The following TMEM260 variants were observed in gnomAD, a reference collection of about 807,000 sequenced individuals.
The protein encoded by TMEM260 is transmembrane protein 260.
Under a neutral mutation model 88.9 loss-of-function variants are expected in TMEM260, and 82 were observed. The observed-to-expected ratio is 0.92, with a 90% confidence interval of 0.77 to 1.11. TMEM260 has a LOEUF of 1.11. TMEM260 is among the 50% of genes least tolerant of loss of function. The pLI, the probability that TMEM260 is intolerant of heterozygous loss-of-function variation, is 0.00. For missense variants in TMEM260, 902 were observed against 853.4 expected (o/e 1.06, Z -0.71); for synonymous variants, 314 against 309.3 (o/e 1.02, Z -0.16).
chr14:56,657,825 A>T, the TMEM260 span, among the ~76,000 whole-genome samples: 4 of 152,164 alleles, frequency 2.6e-5, no homozygotes, highest in African/African-American at 4.8e-5. Flanking sequence ...CGGTCATTAG[A>T]CCACACTTTT....
At chr14:56,660,190 G>A in the TMEM260 span, among the ~76,000 whole-genome samples, 1 of 152,218 alleles carries the variant, frequency 6.6e-6, no homozygotes, top group East Asian at 1.9e-4. Flanking sequence ...CTTAGCAACT[G>A]ATAAGGCTTG....
intron 12 of TMEM260, 106 bp from the exon 13 acceptor site, chr14:56,632,886 GTAA>G: frequency 9.7e-7 from 1 of 1,028,010 alleles, no homozygotes; most frequent in Non-Finnish European, 1.4e-6. Context: ...AATCATATAG[GTAA>G]TAACTGTTGG....
At chr14:56,582,140 A>G (rs1450570016) in intron 1 of TMEM260, among the ~76,000 whole-genome samples, 1 of 152,242 alleles carries the variant, frequency 6.6e-6, no homozygotes, top group Admixed American at 6.5e-5. Context: ...TTGTGTTTAC[A>G]TGTTGAATGC....
downstream of TMEM260, chr14:56,650,060 T>G (rs752012465): frequency 7.7e-5 from 35 of 452,726 alleles, no homozygotes; most frequent in Middle Eastern, 3.3e-4. Flanking sequence ...TTCTCTTACT[T>G]TCCTTGGCTA....
intron 3 of TMEM260, among the ~76,000 whole-genome samples, chr14:56,596,903 GT>G (rs1166495489): frequency 1.3e-5 from 2 of 150,762 alleles, no homozygotes; most frequent in Admixed American, 1.3e-4. Flanking sequence ...AAGATTTTAA[GT>G]TCTTAAAATC....
intron 3 of TMEM260, among the ~76,000 whole-genome samples, chr14:56,595,661 A>AT (rs527509710): frequency 5.5e-4 from 83 of 151,840 alleles, no homozygotes; most frequent in Non-Finnish European, 1.0e-3. Flanking sequence ...ATTTATTTTT[A>AT]TTTTTTAGTA....
chr14:56,632,447 C>T (rs1006373551), intron 12 of TMEM260, among the ~76,000 whole-genome samples: 7 of 152,214 alleles, frequency 4.6e-5, no homozygotes, highest in South Asian at 2.1e-4. Flanking sequence ...GCTAATGCCA[C>T]GATGTTGCCT....
Position 56,580,054 on chromosome 14 carries a change from C to T in TMEM260, c.140C>T (p.Ser47Leu), listed in dbSNP as rs993006931. ...AAVFTFTLPP[S>L]VPGGDSGELI... ...GTGTTCACCTTCACCCTGCCCCCTTCGGTACCGGGGGGAGACTCCGGTAAA... is the reference window on the plus strand; with the variant it reads ...GTGTTCACCTTCACCCTGCCCCCTTTGGTACCGGGGGGAGACTCCGGTAAA... Residue 47 changes from serine to leucine, a missense_variant, in exon 1 of 16, where the codon TCG (serine) becomes TTG (leucine). Coordinates refer to ENST00000261556, the MANE Select transcript of TMEM260 (RefSeq NM_017799.4). 2.6e-5 allele frequency: 33 copies of T among 1,252,376 alleles called. No individual in the cohort carries two copies. The highest frequency in any genetic ancestry group is 8.2e-5 in the Admixed American group (2 of 24,304). The allele number at this position is 1,252,376 out of a possible 1,614,324, so 77.6% of individuals were successfully genotyped here.
At chr14:56,618,827 C>A in intron 10 of TMEM260, 64 bp downstream of exon 10, 1 of 1,463,618 alleles carries the variant, frequency 6.8e-7, no homozygotes, top group South Asian at 1.2e-5. Context: ...TATTTAGATT[C>A]TAACACTTTA....
intron 12 of TMEM260, among the ~76,000 whole-genome samples, chr14:56,632,561 A>G (rs1319529332): frequency 7.2e-6 from 1 of 139,604 alleles, no homozygotes; most frequent in Non-Finnish European, 1.6e-5. Context: ...AAATGGGGGG[A>G]CTTTTCTTGG....
At chr14:56,613,020 A>T (rs1887382224) in intron 7 of TMEM260, 1 of 152,156 alleles carries the variant, frequency 6.6e-6, no homozygotes, top group Non-Finnish European at 1.5e-5. Flanking sequence ...CATATTTTTA[A>T]CATCCAACCT....
chr14:56,580,786 G>T (rs1196829738), intron 1 of TMEM260, among the ~76,000 whole-genome samples: 2 of 152,188 alleles, frequency 1.3e-5, no homozygotes, highest in Admixed American at 6.5e-5. Flanking sequence ...CAAGAAACAA[G>T]ATCCATGTTT....
chr14:56,599,408 T>C (rs1886432955), intron 3 of TMEM260, among the ~76,000 whole-genome samples: 1 of 152,200 alleles, frequency 6.6e-6, no homozygotes, highest in Non-Finnish European at 1.5e-5. Context: ...CCACAGTCTC[T>C]GTAGTCTTCA....
intron 1 of TMEM260, among the ~76,000 whole-genome samples, chr14:56,581,801 T>A (rs1885154296): frequency 6.6e-6 from 1 of 152,208 alleles, no homozygotes; most frequent in South Asian, 2.1e-4. Context: ...TATATTGACT[T>A]CAGAATATGC....
At chr14:56,594,767 A>G (rs187263438) in intron 3 of TMEM260, among the ~76,000 whole-genome samples, 37 of 152,228 alleles carry the variant, frequency 2.4e-4, no homozygotes, top group African/African-American at 6.8e-4. Flanking sequence ...TTTATTTTTA[A>G]AAGAAAGATT....
Position 56,647,366 on chromosome 14 carries a change from T to C in TMEM260, c.1993T>C (p.Ser665Pro), listed in dbSNP as rs78028138. Residue 665 changes from serine to proline, a missense_variant, in exon 16 of 16, where the codon TCG becomes CCG. By Grantham distance (74) the Ser-to-Pro change is moderately conservative. Coordinates refer to ENST00000261556, the MANE Select transcript of TMEM260 (RefSeq NM_017799.4). ...AGATGCAGATCCTGAAGTGCTGTTA[T>C]CGGAAACCATCAGACATTTCCGTCT... The part of the protein sequence containing the change: ...ARDADPEVLL[S>P]ETIRHFRLYS... 16 of 1,614,200 alleles carry C rather than the reference T, an allele frequency of 9.9e-6. No individual in the cohort carries two copies. The highest frequency in any genetic ancestry group is 4.0e-5 in the African/African-American group (3 of 75,060).
chr14:56,593,316 G>A (rs958964061), intron 3 of TMEM260: 2 of 152,110 alleles, frequency 1.3e-5, no homozygotes, highest in African/African-American at 4.8e-5. Context: ...TGCATGATCT[G>A]GGTGAGATTT....
chr14:56,632,652 G>A (rs909825947), intron 12 of TMEM260, among the ~76,000 whole-genome samples: 4 of 151,848 alleles, frequency 2.6e-5, no homozygotes, highest in African/African-American at 9.7e-5. Flanking sequence ...GTCTTGCTGT[G>A]TTGCCCAGGC....
chr14:56,638,804 G>A lies in TMEM260; in HGVS notation c.1869+2206G>A, dbSNP rs555937929. On this transcript the variant is annotated intron_variant, in intron 15 of 15. Coordinates refer to ENST00000261556, the MANE Select transcript of TMEM260 (RefSeq NM_017799.4). ...AGGTGACATCAGGGAGCAGGGCAGG[G>A]CGTAGGCAATGCTATAGGAATAAAT... Among the ~76,000 whole-genome samples the A allele has an allele frequency of 6.3e-4, 96 of 152,210 alleles. No individual in the cohort carries two copies. The East Asian group carries it at 0.01, about 16-fold the overall frequency.
Sources: gnomAD v4.1 joint callset for allele counts (sites outside exome capture counted in the v4.1 genomes callset) on GRCh38, gnomAD v4.1.1 for gene constraint, MANE v1.5 for transcripts, NCBI Gene and HGNC (gene_info 2026-07-23, HGNC 2026-07-21) for gene names.